LPA: variants seen among roughly 807,000 people sequenced by gnomAD.
The protein encoded by LPA is lipoprotein(a).
Under a neutral mutation model 197.9 loss-of-function variants are expected in LPA, and 199 were observed. That is an observed-to-expected ratio of 1.01 (90% CI 0.90 to 1.13). LPA has a LOEUF of 1.13. Among genes scored for constraint, LPA ranks in the 50% most tolerant of loss-of-function variants. The pLI is 0.00. For synonymous variants in LPA, 715 were observed against 639.5 expected, an observed-to-expected ratio of 1.12 and a Z score of -1.78; for missense variants, 1,853 against 1,785.8, an observed-to-expected ratio of 1.04 and a Z score of -0.68.
intron 1 of LPA, among the ~76,000 whole-genome samples, chr6:160,654,058 A>ATATATAGTATATAT (rs1562354992): frequency 4.6e-4 from 3 of 6,536 alleles, no homozygotes; most frequent in African/African-American, 1.3e-3. Context: ...ATAATATATT[A>ATATATAGTATATAT]TATATATTAT....
chr6:160,584,928 G>T, intron 26 of LPA, 118 bp downstream of exon 26: 1 of 1,032,946 alleles, frequency 9.7e-7, no homozygotes, highest in Non-Finnish European at 1.5e-6. Flanking sequence ...GAGACATTTT[G>T]CTACAAACTC....
At chr6:160,537,984 T>A in intron 36 of LPA, 23 bp from the exon 37 acceptor site, 1 of 1,600,664 alleles carries the variant, frequency 6.2e-7, no homozygotes, top group Non-Finnish European at 8.6e-7. Context: ...TATTAGCAGT[T>A]ATGTTTCACT....
intron 1 of LPA, among the ~76,000 whole-genome samples, chr6:160,651,229 A>G (rs984240585): frequency 6.6e-6 from 1 of 152,210 alleles, no homozygotes; most frequent in Non-Finnish European, 1.5e-5. Context: ...GAGATACAGC[A>G]TTTGTTTATT....
chr6:160,648,433 T>A (rs1415910929), intron 2 of LPA, among the ~76,000 whole-genome samples: 1 of 152,204 alleles, frequency 6.6e-6, no homozygotes, highest in African/African-American at 2.4e-5. Flanking sequence ...TTGCTTTCAG[T>A]ATATATTTCT....
intron 1 of LPA, among the ~76,000 whole-genome samples, chr6:160,653,953 TATATAATATATATTATATATAATATATA>T (rs1780053694): frequency 2.2e-5 from 1 of 46,192 alleles, no homozygotes; most frequent in Non-Finnish European, 3.6e-5. Context: ...ATATATATTA[TATATAATATATATTATATATAATATATA>T]ATATATAATA....
At chr6:160,663,141 G>A (rs1405870226) in intron 1 of LPA, among the ~76,000 whole-genome samples, 1 of 152,212 alleles carries the variant, frequency 6.6e-6, no homozygotes, top group African/African-American at 2.4e-5. Flanking sequence ...CAGGACTGCT[G>A]CATTTCTTCC....
At chr6:160,563,187 T>G (rs1311275838) in intron 28 of LPA, among the ~76,000 whole-genome samples, 2 of 152,254 alleles carry the variant, frequency 1.3e-5, no homozygotes, top group African/African-American at 2.4e-5. Context: ...CTTTCCCGCT[T>G]TCTCCTGTGG....
chr6:160,597,563 T>C (rs1200563098), intron 20 of LPA, among the ~76,000 whole-genome samples: 1 of 152,258 alleles, frequency 6.6e-6, no homozygotes, highest in African/African-American at 2.4e-5. Context: ...TGGAAACAAC[T>C]AACCTGATTG....
At chr6:160,579,104 G>GTCTC (rs1346285254) in intron 26 of LPA, among the ~76,000 whole-genome samples, 2 of 151,644 alleles carry the variant, frequency 1.3e-5, no homozygotes, top group Non-Finnish European at 2.9e-5. Context: ...CTAGCTCTTT[G>GTCTC]TCTCTCTCTC....
chr6:160,540,275 C>T, intron 35 of LPA, 92 bp from the exon 36 acceptor site: 2 of 1,450,940 alleles, frequency 1.4e-6, no homozygotes, highest in East Asian at 2.3e-5. Context: ...CTCTGACACC[C>T]TCGGCCACCC....
At chr6:160,610,980 CT>C (rs1223806757) in intron 16 of LPA, among the ~76,000 whole-genome samples, 5 of 152,166 alleles carry the variant, frequency 3.3e-5, no homozygotes, top group Non-Finnish European at 7.3e-5. Context: ...ATCCCTTTTA[CT>C]TTTCAGCATC....
intron 26 of LPA, among the ~76,000 whole-genome samples, chr6:160,580,595 G>T (rs545687336): frequency 6.6e-6 from 1 of 152,260 alleles, no homozygotes; most frequent in Non-Finnish European, 1.5e-5. Flanking sequence ...TCTTCTTAAT[G>T]ATATCCATGT....
At chr6:160,650,568 C>T (rs1182158672) in intron 1 of LPA, 71 bp from the exon 2 acceptor site, 3 of 1,468,872 alleles carry the variant, frequency 2.0e-6, no homozygotes, top group Non-Finnish European at 2.9e-6. Context: ...TCATTTATGA[C>T]ACAAACAGGA....
Position 160,650,369 on chromosome 6 carries a change from G to T in LPA, c.178C>A (p.His60Asn). Residue 60 changes from histidine to asparagine, a missense_variant, in exon 2 of 39, where the codon CAT (histidine) becomes AAT (asparagine). Around this residue, in one of 3 missense-constraint regions of LPA, gnomAD observed 88 missense variants for 83.0 expected, o/e 1.06. Transcript: ENST00000316300. ...QAWSSMTPHQ[H>N]NRTTENYPNA... is the part of the protein sequence containing the mutation. ...GGGTAGTTTTCTGTGGTCCTATTATGTTGATGTGGTGTCATAGATGACCAA... is the reference window on the plus strand; with the variant it reads ...GGGTAGTTTTCTGTGGTCCTATTATTTTGATGTGGTGTCATAGATGACCAA... The T allele has an allele frequency of 6.2e-7, 1 of 1,613,834 alleles. No individual in the cohort carries two copies. Among genetic ancestry groups the T allele is most frequent in the Non-Finnish European group, 8.5e-7 (1 of 1,179,790 alleles).
At chr6:160,582,996 G>C (rs1482816296) in intron 26 of LPA, among the ~76,000 whole-genome samples, 1 of 151,944 alleles carries the variant, frequency 6.6e-6, no homozygotes, top group African/African-American at 2.4e-5. Context: ...TCTCATTAAA[G>C]AGATGTCTTT....
At chr6:160,634,800 G>A (rs1779772723) in intron 7 of LPA, among the ~76,000 whole-genome samples, 1 of 150,422 alleles carries the variant, frequency 6.6e-6, no homozygotes, top group African/African-American at 2.5e-5. Context: ...TACTGCGACA[G>A]AAAGAATCAC....
rs867822699 is a variant in LPA, at chr6:160,591,840, C to T, written c.3630-739G>A. 1.8e-4 allele frequency among the ~76,000 whole-genome samples: 28 copies of T among 152,276 alleles called. No homozygotes were observed. The Middle Eastern group carries it at 0.014, about 74-fold the overall frequency. On this transcript the variant is annotated intron_variant, in intron 22 of 38. Coordinates refer to ENST00000316300, the MANE Select transcript of LPA (RefSeq NM_005577.4). Reference sequence around the variant, plus strand: ...GTCATTGGTTTGGACTATTTCCATCCATCCCCTTTCCTTGTGTCTTATTTG... The same window carrying T: ...GTCATTGGTTTGGACTATTTCCATCTATCCCCTTTCCTTGTGTCTTATTTG...
Position 160,585,047 on chromosome 6 carries a change from C to T in LPA, c.4288G>A (p.Ala1430Thr), listed in dbSNP as rs911686510. 6.8e-6 allele frequency: 11 copies of T among 1,613,588 alleles called. No homozygotes were observed. The highest frequency in any genetic ancestry group is 9.3e-6 in the Non-Finnish European group (11 of 1,179,632). ...HRRIPLYYPN[A>T]GLTRNYCRNP... ...TTATGGCTAACATGATAGACATACGCATTTGGATAGTATAATGGGATCCTC... is the reference window on the plus strand; with the variant it reads ...TTATGGCTAACATGATAGACATACGTATTTGGATAGTATAATGGGATCCTC... Residue 1430 changes from alanine to threonine, a missense_variant and splice_region_variant, in exon 26 of 39, where the codon GCT (alanine) becomes ACT (threonine). Ala to Thr is a moderately conservative substitution (Grantham distance 58). Around this residue, in one of 3 missense-constraint regions of LPA, gnomAD observed 1,737 missense variants for 1,504.4 expected, o/e 1.15. Transcript: ENST00000316300.
At chr6:160,546,754 T>TC (rs1469458957) in intron 32 of LPA, among the ~76,000 whole-genome samples, 1 of 151,792 alleles carries the variant, frequency 6.6e-6, no homozygotes, top group Non-Finnish European at 1.5e-5. Context: ...TGAGGAGAAA[T>TC]CCCCCCATAT....
Sources: allele counts gnomAD v4.1 joint callset (sites outside exome capture counted in the v4.1 genomes callset), GRCh38; gene constraint gnomAD v4.1.1; regional missense constraint gnomAD v4.1.1; transcripts MANE v1.5; gene names NCBI Gene and HGNC (gene_info 2026-07-23, HGNC 2026-07-21).